The following AGAP9 variants were observed in gnomAD, a reference collection of about 807,000 sequenced individuals.
AGAP9 encodes ArfGAP with GTPase domain, ankyrin repeat and PH domain 9.
In AGAP9, 23 loss-of-function variants were observed where a neutral mutation model predicts 55.6. The observed-to-expected ratio is 0.41, with a 90% CI of 0.30 to 0.59. The LOEUF is 0.59. Ranked by LOEUF, AGAP9 falls within the 20% of genes least tolerant of loss-of-function variation. The pLI, the probability that AGAP9 is intolerant of heterozygous loss-of-function variation, is 0.25. For synonymous variants in AGAP9, 120 were observed against 305.0 expected (o/e 0.39, Z 6.32); for missense variants, 309 against 808.1 (o/e 0.38, Z 7.49).
intron 4 of AGAP9, among the ~76,000 whole-genome samples, chr10:47,516,610 T>C (rs1840719483): frequency 7.2e-6 from 1 of 138,148 alleles, no homozygotes; most frequent in African/African-American, 2.8e-5. Context: ...CCCAAAAGAC[T>C]TTAAGGAGTT....
intron 4 of AGAP9, among the ~76,000 whole-genome samples, chr10:47,513,138 G>T (rs1472052279): frequency 2.7e-5 from 4 of 149,028 alleles, no homozygotes; most frequent in African/African-American, 7.4e-5. Flanking sequence ...AGGTTCAAGC[G>T]ATTCTCCTGC....
rs1278260952 is a variant in AGAP9 at position 47,502,809 on chromosome 10, G to A, written c.1320C>T (p.Ser440=). 16 of 1,593,022 alleles carry A rather than the reference G, an allele frequency of 1.0e-5. 3 individuals are homozygous for A. The East Asian group carries it at 3.5e-4, about 35-fold the overall frequency. ...ERDAWVQAIQ[S]QILASLQSCK... is the part of the protein sequence containing the mutation. ...ATGACTGCAGGCTGGCCAGGATCTG[G>A]CTCTGGATGGCTTGGACCCAGGCAT... is the stretch of plus-strand genomic sequence containing the variant. Residue 440 remains serine, a synonymous_variant, in exon 8 of 8, where the codon AGC becomes AGT. Transcript: ENST00000452145.
chr10:47,502,197 C>T lies in AGAP9; in HGVS notation c.1932G>A (p.Thr644=), dbSNP rs1460399118. ...KGNVVLEQLL[T]GWTSWPEMPT... ...GCATCTCGGGCCATGACGTCCACCC[C>T]GTCAGGAGCTGCTCCAGGACCACAT... is the stretch of plus-strand genomic sequence containing the variant. The change falls in exon 8 of 8, where the codon ACG becomes ACA. Residue 644 remains threonine, a synonymous_variant. Coordinates refer to ENST00000452145, the MANE Select transcript of AGAP9 (RefSeq NM_001190810.1). 99 of 1,540,568 alleles carry T rather than the reference C, an allele frequency of 6.4e-5. 16 individuals carry two copies. Among genetic ancestry groups the T allele is most frequent in the Non-Finnish European group, 7.8e-5 (89 of 1,141,688 alleles).
rs1840481667 is a variant in AGAP9, at chr10:47,506,494, C to T, written c.533+1054G>A. Among the ~76,000 whole-genome samples, 3 of 139,784 alleles carry T rather than the reference C, an allele frequency of 2.1e-5. 1 individual carries two copies. Among genetic ancestry groups the T allele is most frequent in the African/African-American group, 8.0e-5 (3 of 37,558 alleles). 91.7% of individuals were successfully genotyped at this position (139,784 alleles called of 152,430 possible). On this transcript the variant is annotated intron_variant, in intron 6 of 7. Transcript: ENST00000452145. Reference sequence around the variant, plus strand: ...TACAGGCATGCACCACCACGCCCAGCCATTTTTTGTACTTTCAGTAGAGGC... The same window carrying T: ...TACAGGCATGCACCACCACGCCCAGTCATTTTTTGTACTTTCAGTAGAGGC...
intron 3 of AGAP9, among the ~76,000 whole-genome samples, chr10:47,519,177 TGTGGTACTGGCCAG>T (rs1840771644): frequency 7.3e-6 from 1 of 136,336 alleles, no homozygotes; most frequent in Non-Finnish European, 1.5e-5. Flanking sequence ...TTTAAAAGGC[TGTGGTACTGGCCAG>T]GTGCGGTGGC....
chr10:47,515,757 T>G, intron 4 of AGAP9, among the ~76,000 whole-genome samples: 1 of 139,526 alleles, frequency 7.2e-6, no homozygotes, highest in Admixed American at 7.3e-5. Flanking sequence ...TGGGAGATCC[T>G]TCTCAGAAGA....
chr10:47,521,319 A>C (rs1476710053), intron 2 of AGAP9, among the ~76,000 whole-genome samples: 1 of 140,382 alleles, frequency 7.1e-6, no homozygotes, highest in Non-Finnish European at 1.5e-5. Context: ...AAGTTTATAC[A>C]AGTACTTACA....
Position 47,502,534 on chromosome 10 carries a change from A to G in AGAP9, c.1595T>C (p.Met532Thr), listed in dbSNP as rs1419212627. The part of the protein sequence containing the change: ...DDWPVELRKV[M>T]SSIGNELANS... ...GGCTAGCTCATTGCCAATAGATGACATAACCTTCCTGAGCTCAACTGGCCA... is the reference window on the plus strand; with the variant it reads ...GGCTAGCTCATTGCCAATAGATGACGTAACCTTCCTGAGCTCAACTGGCCA... Residue 532 changes from methionine to threonine, a missense_variant, in exon 8 of 8, where the codon ATG (methionine) becomes ACG (threonine). Transcript: ENST00000452145. 6.2e-7 allele frequency: 1 copy of G among 1,612,734 alleles called. No individual in the cohort carries two copies. The highest frequency in any genetic ancestry group is 1.3e-5 in the African/African-American group (1 of 74,490).
At chr10:47,513,741 T>C (rs1280029091) in intron 4 of AGAP9, among the ~76,000 whole-genome samples, 1 of 138,892 alleles carries the variant, frequency 7.2e-6, no homozygotes, top group Non-Finnish European at 1.6e-5. Context: ...CAAATACCTA[T>C]AGCCAACTGA....
chr10:47,514,198 C>A (rs1313499494), intron 4 of AGAP9, among the ~76,000 whole-genome samples: 6 of 146,596 alleles, frequency 4.1e-5, no homozygotes, highest in Non-Finnish European at 5.9e-5. Flanking sequence ...ATGGAACCAG[C>A]CCAAATGCCC....
At position 47,508,101 on chromosome 10, in the gene AGAP9, G is replaced by T. The variant is rs1180284128; in HGVS notation, c.498-518C>A. Among the ~76,000 whole-genome samples the T allele has an allele frequency of 1.0e-4, 13 of 127,732 alleles. 2 individuals carry two copies. Among genetic ancestry groups the T allele is most frequent in the Admixed American group, 5.1e-4 (6 of 11,806 alleles). The allele number at this position is 127,732 out of a possible 152,430, so 83.8% of individuals were successfully genotyped here. A position where few individuals can be genotyped will look rare whatever the true frequency, so the allele number is the denominator to read the frequency against. ...GGGTGGTGGGTGGAGTTTCGCTCTT[G>T]TTGCCCAGGCTGGAGTGCAATGGTG... On this transcript the variant is annotated intron_variant, in intron 5 of 7. Transcript: ENST00000452145.
intron 4 of AGAP9, among the ~76,000 whole-genome samples, chr10:47,510,841 A>C (rs1437463627): frequency 1.6e-5 from 2 of 125,648 alleles, no homozygotes; most frequent in Non-Finnish European, 3.3e-5. Flanking sequence ...AAAAAAAAAA[A>C]AAAAAAAGAA....
chr10:47,515,896 AG>A (rs2132491820), intron 4 of AGAP9, among the ~76,000 whole-genome samples: 1 of 112,536 alleles, frequency 8.9e-6, no homozygotes, highest in African/African-American at 3.4e-5. Flanking sequence ...CAAATAAAGC[AG>A]GCCAGGGACC....
chr10:47,504,836 C>CATA (rs1840442599), intron 6 of AGAP9, among the ~76,000 whole-genome samples: 1 of 127,242 alleles, frequency 7.9e-6, no homozygotes, highest in Non-Finnish European at 1.6e-5. Context: ...CCTAAGAGGT[C>CATA]ATAACTGTTC....
chr10:47,522,121 T>C (rs1344284066), intron 2 of AGAP9, among the ~76,000 whole-genome samples: 2 of 146,576 alleles, frequency 1.4e-5, no homozygotes, highest in African/African-American at 5.1e-5. Context: ...AACAAGATGC[T>C]ATTGTCAGGA....
rs1177924293 is a variant in AGAP9 at position 47,502,099 on chromosome 10, G to A, written c.*53C>T. On this transcript the variant is annotated 3_prime_UTR_variant, in exon 8 of 8. Coordinates refer to ENST00000452145, the MANE Select transcript of AGAP9 (RefSeq NM_001190810.1). ...ACTACACGCACTCGTCGGGGCAGCC[G>A]TACTGCAGAAGCACGTTGATGCACT... The A allele has an allele frequency of 4.3e-5, 67 of 1,570,948 alleles. 4 individuals are homozygous for A. Among genetic ancestry groups the A allele is most frequent in the Non-Finnish European group, 5.3e-5 (61 of 1,154,472 alleles).
intron 5 of AGAP9, among the ~76,000 whole-genome samples, chr10:47,508,965 A>G (rs1403767293): frequency 7.6e-6 from 1 of 130,820 alleles, no homozygotes; most frequent in African/African-American, 3.5e-5. Flanking sequence ...ACATTTTTCA[A>G]TATATCTTCT....
At chr10:47,519,230 G>A in intron 3 of AGAP9, among the ~76,000 whole-genome samples, 2 of 131,356 alleles carry the variant, frequency 1.5e-5, no homozygotes, top group Middle Eastern at 7.6e-3. Flanking sequence ...CACTTTGGGA[G>A]GCTGAAGCGG....
chr10:47,506,770 C>G (rs1220797199), intron 6 of AGAP9, among the ~76,000 whole-genome samples: 88 of 144,712 alleles, frequency 6.1e-4, no homozygotes, highest in Non-Finnish European at 9.9e-4. Context: ...CTCCAGAATA[C>G]GTGGGACTAC....
Sources: gnomAD v4.1 joint callset for allele counts (sites outside exome capture counted in the v4.1 genomes callset) on GRCh38, gnomAD v4.1.1 for gene constraint, MANE v1.5 for transcripts, NCBI Gene and HGNC (gene_info 2026-07-23, HGNC 2026-07-21) for gene names.